Variants in TENM3 observed in about 807,000 individuals in gnomAD.
The protein encoded by TENM3 is teneurin transmembrane protein 3, also known as teneurin-3.
In TENM3, 63 loss-of-function variants were observed where a neutral mutation model predicts 255.1. The ratio of observed to expected loss-of-function variants is 0.25; its 90% CI spans 0.20 to 0.30. The LOEUF (loss-of-function observed/expected upper bound fraction) is 0.30, where lower values mean the gene tolerates loss of function less well. Ranked by LOEUF, TENM3 falls within the 10% of genes least tolerant of loss-of-function variation. The pLI is 1.00. For synonymous variants in TENM3, 1,306 were observed against 1,322.3 expected (o/e 0.99, Z 0.27); for missense variants, 2,929 against 3,461.1 (o/e 0.85, Z 3.86).
At chr4:181,889,545 C>G in the TENM3 span, among the ~76,000 whole-genome samples, 1 of 152,158 alleles carries the variant, frequency 6.6e-6, no homozygotes. Context: ...TTTTGGCATA[C>G]AATCAATACT....
At chr4:181,836,183 G>A in the TENM3 span, among the ~76,000 whole-genome samples, 28 of 148,942 alleles carry the variant, frequency 1.9e-4, no homozygotes, top group African/African-American at 6.9e-4. Context: ...ATACACACAT[G>A]CACACACACA....
At chr4:182,076,281 T>A in the TENM3 span, among the ~76,000 whole-genome samples, 1 of 149,132 alleles carries the variant, frequency 6.7e-6, no homozygotes, top group African/African-American at 2.5e-5. Context: ...CTTGGCTCAC[T>A]GCAACCTCCG....
the TENM3 span, among the ~76,000 whole-genome samples, chr4:181,608,186 G>A: frequency 2.4e-4 from 37 of 152,304 alleles, no homozygotes; most frequent in Admixed American, 1.4e-3. Context: ...TTGCCTAAGA[G>A]GGAGAGAGCA....
chr4:182,272,793 C>T (rs949460452), intron 1 of TENM3, among the ~76,000 whole-genome samples: 1 of 152,122 alleles, frequency 6.6e-6, no homozygotes, highest in East Asian at 1.9e-4. Flanking sequence ...ACATACATTA[C>T]TGCAATGATT....
At chr4:181,540,200 C>G in the TENM3 span, among the ~76,000 whole-genome samples, 1 of 151,822 alleles carries the variant, frequency 6.6e-6, no homozygotes, top group Admixed American at 6.6e-5. Context: ...CCCCAGAGGC[C>G]AAAGCTGAAG....
chr4:181,499,340 T>C, the TENM3 span, among the ~76,000 whole-genome samples: 2 of 152,104 alleles, frequency 1.3e-5, no homozygotes, highest in African/African-American at 4.8e-5. Context: ...AATGCTTTAG[T>C]AGGGTACCTA....
intron 1 of TENM3, among the ~76,000 whole-genome samples, chr4:182,254,675 C>T (rs373596064): frequency 1.8e-4 from 28 of 152,212 alleles, no homozygotes; most frequent in African/African-American, 3.1e-4. Flanking sequence ...GGAATTTGAA[C>T]GTGTGTGAGA....
chr4:181,608,975 C>T, the TENM3 span, among the ~76,000 whole-genome samples: 2 of 152,128 alleles, frequency 1.3e-5, no homozygotes, highest in Non-Finnish European at 2.9e-5. Context: ...ACAAGCAACT[C>T]GGCAATTTTA....
At position 182,730,870 on chromosome 4, in the gene TENM3, T is replaced by G; in HGVS notation, c.2706-8T>G. On this transcript the variant is annotated splice_polypyrimidine_tract_variant and splice_region_variant and intron_variant, in intron 15 of 27. Coordinates refer to ENST00000511685, the MANE Select transcript of TENM3 (RefSeq NM_001080477.4). ...ACAATTCACTAAGCATACCTTGTTC[T>G]TTCTTAGGTTTGACTTGGTGGCAAA... 1 of 1,613,324 alleles carries G rather than the reference T, an allele frequency of 6.2e-7. No individual in the cohort carries two copies. The highest frequency in any genetic ancestry group is 1.1e-5 in the South Asian group (1 of 91,018).
chr4:182,350,953 G>A (rs6552555), intron 3 of TENM3, among the ~76,000 whole-genome samples: 117,813 of 151,940 alleles, frequency 0.78, 45,839 homozygotes, highest in Middle Eastern at 0.83. Flanking sequence ...AAAGTGCTGG[G>A]ATTACAGGCA....
At chr4:181,707,721 A>C in the TENM3 span, among the ~76,000 whole-genome samples, 1 of 152,204 alleles carries the variant, frequency 6.6e-6, no homozygotes. Context: ...AGCATTCAAT[A>C]ATTATAGATA....
chr4:181,740,493 T>G, the TENM3 span, among the ~76,000 whole-genome samples: 1 of 152,106 alleles, frequency 6.6e-6, no homozygotes, highest in African/African-American at 2.4e-5. Context: ...CACAAAGAGC[T>G]GTAGTTTAAG....
the TENM3 span, among the ~76,000 whole-genome samples, chr4:181,937,536 G>T: frequency 4.1e-4 from 63 of 152,304 alleles, no homozygotes; most frequent in Non-Finnish European, 7.5e-4. Flanking sequence ...CACATGCATT[G>T]GATGCAGGGG....
chr4:181,579,358 G>A, the TENM3 span, among the ~76,000 whole-genome samples: 8 of 152,192 alleles, frequency 5.3e-5, no homozygotes, highest in South Asian at 2.1e-4. Context: ...CCACCAGAGC[G>A]ATCTTTTAAA....
At chr4:181,653,805 A>T in the TENM3 span, among the ~76,000 whole-genome samples, 2 of 151,084 alleles carry the variant, frequency 1.3e-5, no homozygotes, top group Non-Finnish European at 2.9e-5. Context: ...ATTCCCCCAT[A>T]ATCTAGGTTT....
intron 3 of TENM3, among the ~76,000 whole-genome samples, chr4:182,380,582 T>C (rs1394211436): frequency 6.6e-6 from 1 of 152,236 alleles, no homozygotes; most frequent in Admixed American, 6.5e-5. Flanking sequence ...GCTTATAGCA[T>C]ACACATGTGC....
At chr4:182,237,920 G>A (rs186639362) in intron 1 of TENM3, among the ~76,000 whole-genome samples, 34 of 152,216 alleles carry the variant, frequency 2.2e-4, no homozygotes, top group Admixed American at 2.1e-3. Context: ...AAGGAATTTT[G>A]GAAAATTTTC....
At chr4:181,676,965 C>T in the TENM3 span, among the ~76,000 whole-genome samples, 2 of 150,180 alleles carry the variant, frequency 1.3e-5, no homozygotes, top group Non-Finnish European at 1.5e-5. Flanking sequence ...GCTTCAGTCA[C>T]ATGACCTATG....
the TENM3 span, among the ~76,000 whole-genome samples, chr4:182,051,075 G>A: frequency 2.0e-5 from 3 of 151,724 alleles, no homozygotes; most frequent in East Asian, 5.9e-4. Context: ...TGGGCATGGT[G>A]GCTCATGCCT....
Sources: gnomAD v4.1 joint callset for allele counts (sites outside exome capture counted in the v4.1 genomes callset) on GRCh38, gnomAD v4.1.1 for gene constraint, MANE v1.5 for transcripts, NCBI Gene and HGNC (gene_info 2026-07-23, HGNC 2026-07-21) for gene names.